The following CDH22 variants were observed in gnomAD, a reference collection of about 807,000 sequenced individuals.
CDH22 encodes the protein cadherin-22.
In CDH22, 30 loss-of-function variants were observed where a neutral mutation model predicts 58.4. The ratio of observed to expected loss-of-function variants is 0.51; its 90% confidence interval spans 0.38 to 0.70. The LOEUF (loss-of-function observed/expected upper bound fraction) is 0.70, where lower values mean the gene tolerates loss of function less well. Among genes scored for constraint, CDH22 ranks in the 30% least tolerant of loss-of-function variants. The pLI, the probability that CDH22 is intolerant of heterozygous loss-of-function variation, is 0.00. For synonymous variants in CDH22, 513 were observed against 558.2 expected (o/e 0.92, Z 1.14); for missense variants, 1,014 against 1,233.9 (o/e 0.82, Z 2.67).
In CDH22 at chr20:46,284,577, G is replaced by A. The variant is rs114387188; in HGVS notation, c.-400+23678C>T. 3.6e-3 allele frequency among the ~76,000 whole-genome samples: 551 copies of A among 152,288 alleles called. 4 individuals carry two copies. The highest frequency in any genetic ancestry group is 0.013 in the African/African-American group (524 of 41,542). Reference sequence around the variant, plus strand: ...GAGGTGCAGACTCAGAGGTGGGGCCGATGTTCAGCTAGCCCTGTCAGTTGT... The same window carrying A: ...GAGGTGCAGACTCAGAGGTGGGGCCAATGTTCAGCTAGCCCTGTCAGTTGT... On this transcript the variant is annotated intron_variant, in intron 1 of 11. Transcript: ENST00000537909.
chr20:46,197,428 T>G (rs1196214727), intron 8 of CDH22, among the ~76,000 whole-genome samples: 1 of 152,172 alleles, frequency 6.6e-6, no homozygotes, highest in Non-Finnish European at 1.5e-5. Context: ...AGCTGCTTTC[T>G]GAAAGAGACC....
At chr20:46,304,743 T>C (rs761416521) in intron 1 of CDH22, among the ~76,000 whole-genome samples, 6 of 152,300 alleles carry the variant, frequency 3.9e-5, no homozygotes, top group Non-Finnish European at 7.3e-5. Context: ...TGTGTGCCCA[T>C]TGTAAGAGAG....
chr20:46,286,716 G>C (rs577621889), intron 1 of CDH22, among the ~76,000 whole-genome samples: 4 of 152,260 alleles, frequency 2.6e-5, no homozygotes, highest in Non-Finnish European at 4.4e-5. Flanking sequence ...AGCCTTGCCT[G>C]GTTGCTGGGC....
intron 1 of CDH22, among the ~76,000 whole-genome samples, chr20:46,278,237 C>A (rs1383304818): frequency 1.3e-5 from 2 of 152,224 alleles, no homozygotes; most frequent in Non-Finnish European, 2.9e-5. Context: ...GCTTCTCGTG[C>A]TGGCCACCAG....
At chr20:46,195,823 AGTGGCTC>A (rs2085896161) in intron 8 of CDH22, among the ~76,000 whole-genome samples, 1 of 152,196 alleles carries the variant, frequency 6.6e-6, no homozygotes, top group African/African-American at 2.4e-5. Context: ...CGGCATACTA[AGTGGCTC>A]GGGAGTCTTT....
chr20:46,241,374 A>C lies in CDH22; in HGVS notation c.256-117T>G. On this transcript the variant is annotated intron_variant, in intron 2 of 11. Coordinates refer to ENST00000537909, the MANE Select transcript of CDH22 (RefSeq NM_021248.3). The surrounding 1 kb of genome is among the most constrained non-coding windows in gnomAD (Gnocchi z 5.2). ...CCCATCTCTTCTCCAGCACATACAC[A>C]TCTTTAGTGAGGACACTGAGGCCCA... 1 of 866,470 alleles carries C rather than the reference A, an allele frequency of 1.2e-6. No individual in the cohort carries two copies. Among genetic ancestry groups the C allele is most frequent in the Non-Finnish European group, 1.7e-6 (1 of 575,326 alleles). The allele number at this position is 866,470 out of a possible 1,614,324, so 53.7% of individuals were successfully genotyped here.
intron 1 of CDH22, among the ~76,000 whole-genome samples, chr20:46,284,212 G>A (rs967224637): frequency 1.3e-5 from 2 of 151,942 alleles, no homozygotes; most frequent in Admixed American, 1.3e-4. Context: ...TGCATGACAG[G>A]AAGGTGTGCC....
At chr20:46,205,411 G>A (rs957291431) in intron 7 of CDH22, among the ~76,000 whole-genome samples, 2 of 152,178 alleles carry the variant, frequency 1.3e-5, no homozygotes, top group African/African-American at 2.4e-5. Flanking sequence ...GGAAACCGAG[G>A]CTCAGAGGGG....
intron 1 of CDH22, among the ~76,000 whole-genome samples, chr20:46,267,760 A>G (rs1426964203): frequency 1.3e-5 from 2 of 152,188 alleles, no homozygotes; most frequent in African/African-American, 4.8e-5. Context: ...CCAGTATCCT[A>G]CTCCAATGCT....
At chr20:46,181,326 G>A (rs1231860327) in intron 10 of CDH22, among the ~76,000 whole-genome samples, 1 of 152,178 alleles carries the variant, frequency 6.6e-6, no homozygotes, top group Non-Finnish European at 1.5e-5. Context: ...GTCGGGGAGA[G>A]CTTCTTGGAA....
chr20:46,236,109 G>A (rs1011534653), intron 3 of CDH22, among the ~76,000 whole-genome samples: 2 of 152,080 alleles, frequency 1.3e-5, no homozygotes, highest in African/African-American at 2.4e-5. Context: ...CTCTCTGCCT[G>A]GAACATTCTT....
chr20:46,270,178 C>T (rs995093359), intron 1 of CDH22, among the ~76,000 whole-genome samples: 13 of 152,144 alleles, frequency 8.5e-5, no homozygotes, highest in African/African-American at 2.9e-4. Context: ...ATAGCCAGCC[C>T]GAGCACCTTG....
chr20:46,259,842 C>T (rs2086424147), intron 1 of CDH22, among the ~76,000 whole-genome samples: 1 of 151,660 alleles, frequency 6.6e-6, no homozygotes, highest in African/African-American at 2.4e-5. Context: ...ATGGTTGGCA[C>T]CAAAGTTATC....
chr20:46,205,622 G>A (rs2085996918), intron 7 of CDH22, among the ~76,000 whole-genome samples: 1 of 152,200 alleles, frequency 6.6e-6, no homozygotes, highest in Non-Finnish European at 1.5e-5. Flanking sequence ...AGGTAGGAAC[G>A]TGGCTGGGCT....
chr20:46,214,040 T>C (rs1600699930), intron 5 of CDH22, among the ~76,000 whole-genome samples: 1 of 152,230 alleles, frequency 6.6e-6, no homozygotes, highest in South Asian at 2.1e-4. Flanking sequence ...GCAGAGAAGA[T>C]GACATTTCTG....
chr20:46,222,900 A>G (rs1283909508), intron 4 of CDH22, among the ~76,000 whole-genome samples: 1 of 152,256 alleles, frequency 6.6e-6, no homozygotes, highest in Non-Finnish European at 1.5e-5. Context: ...CTATCTGCAC[A>G]GCAAGAACAG....
intron 1 of CDH22, among the ~76,000 whole-genome samples, chr20:46,268,839 G>A (rs1163211513): frequency 6.6e-6 from 1 of 152,194 alleles, no homozygotes; most frequent in African/African-American, 2.4e-5. Context: ...TGGGGCCAGG[G>A]AGCATGAGGT....
chr20:46,263,006 C>G (rs1330846271), intron 1 of CDH22, among the ~76,000 whole-genome samples: 1 of 152,216 alleles, frequency 6.6e-6, no homozygotes, highest in African/African-American at 2.4e-5. Flanking sequence ...GGTCTCTCAG[C>G]CTCCTCCCCT....
At chr20:46,292,730 C>T (rs1344380968) in intron 1 of CDH22, among the ~76,000 whole-genome samples, 2 of 152,138 alleles carry the variant, frequency 1.3e-5, no homozygotes, top group Non-Finnish European at 2.9e-5. Flanking sequence ...GAATTCTTCC[C>T]TGCGTTGGTT....
Sources: gnomAD v4.1 joint callset for allele counts (sites outside exome capture counted in the v4.1 genomes callset) on GRCh38, gnomAD v4.1.1 for gene constraint, Gnocchi (gnomAD v3.1) non-coding constraint, MANE v1.5 for transcripts, NCBI Gene and HGNC (gene_info 2026-07-23, HGNC 2026-07-21) for gene names.